Variants in PTGER3 observed in about 807,000 individuals in gnomAD.
PTGER3 encodes the protein prostaglandin E2 receptor EP3 subtype.
In PTGER3, 22 loss-of-function variants were observed where a neutral mutation model predicts 34.7. That is an observed-to-expected ratio of 0.63 (90% CI 0.45 to 0.91). PTGER3 has a LOEUF of 0.91. Among genes scored for constraint, PTGER3 ranks in the 40% least tolerant of loss-of-function variants. The pLI is 0.00. For synonymous variants in PTGER3, 241 were observed against 230.1 expected, an observed-to-expected ratio of 1.05 and a Z score of -0.43; for missense variants, 468 against 519.4, an observed-to-expected ratio of 0.90 and a Z score of 0.96.
chr1:70,923,209 G>GTT lies in PTGER3; in HGVS notation c.*23+30552_*23+30553dup, dbSNP rs34738930. Among the ~76,000 whole-genome samples, 579 of 148,784 alleles carry GTT rather than the reference G, an allele frequency of 3.9e-3. 6 individuals carry two copies. Among genetic ancestry groups the GTT allele is most frequent in the East Asian group, 0.034 (173 of 5,096 alleles). On this transcript the variant is annotated intron_variant, in intron 4 of 4. Transcript: ENST00000370931. ...ATTGCCAAATACAAAATGGTGCTTG[G>GTT]TTTTTTTTTTTGGCTCTATTTGTAT...
chr1:70,940,671 A>G (rs1649672333), intron 4 of PTGER3, among the ~76,000 whole-genome samples: 1 of 152,134 alleles, frequency 6.6e-6, no homozygotes, highest in South Asian at 2.1e-4. Flanking sequence ...AGACTTTTTT[A>G]CCATCATGAG....
At chr1:71,020,708 G>C (rs1658333512) in intron 1 of PTGER3, among the ~76,000 whole-genome samples, 1 of 151,416 alleles carries the variant, frequency 6.6e-6, no homozygotes, top group Non-Finnish European at 1.5e-5. Context: ...GTGTGTGTGT[G>C]TGTGTGTGTG....
chr1:70,954,940 A>G (rs1331040230), intron 2 of PTGER3, among the ~76,000 whole-genome samples: 1 of 152,194 alleles, frequency 6.6e-6, no homozygotes. Context: ...CCACAGTTTC[A>G]GAGAATTTTA....
chr1:70,973,210 A>T (rs897959040), intron 3 of PTGER3, among the ~76,000 whole-genome samples: 2 of 131,576 alleles, frequency 1.5e-5, no homozygotes, highest in East Asian at 4.7e-4. Flanking sequence ...GATGATAGAT[A>T]GATAGATAGA....
chr1:70,922,440 A>G (rs1457760312), intron 4 of PTGER3, among the ~76,000 whole-genome samples: 2 of 152,202 alleles, frequency 1.3e-5, no homozygotes, highest in Non-Finnish European at 1.5e-5. Context: ...AATGCTTCAT[A>G]AAATGCCACT....
intron 2 of PTGER3, among the ~76,000 whole-genome samples, chr1:70,992,859 G>A (rs1282146325): frequency 1.3e-5 from 2 of 152,144 alleles, no homozygotes; most frequent in East Asian, 1.9e-4. Context: ...TACCATCTTC[G>A]AAGCATTTGA....
intron 4 of PTGER3, among the ~76,000 whole-genome samples, chr1:70,945,836 A>T (rs1437903969): frequency 1.3e-5 from 2 of 152,126 alleles, no homozygotes; most frequent in Non-Finnish European, 2.9e-5. Flanking sequence ...AGGGTTCTTC[A>T]TACTCTAACC....
intron 4 of PTGER3, among the ~76,000 whole-genome samples, chr1:70,860,945 A>T (rs562867399): frequency 1.3e-5 from 2 of 152,222 alleles, no homozygotes; most frequent in Non-Finnish European, 2.9e-5. Flanking sequence ...GAACAGAGAC[A>T]ATTCTACAAA....
chr1:70,936,304 C>CTCAT (rs1649223990), intron 4 of PTGER3, among the ~76,000 whole-genome samples: 1 of 152,162 alleles, frequency 6.6e-6, no homozygotes, highest in African/African-American at 2.4e-5. Context: ...GTAGAAAGTG[C>CTCAT]ACTTTCCAGG....
chr1:70,867,380 C>A (rs1646065131), intron 4 of PTGER3, among the ~76,000 whole-genome samples: 1 of 152,090 alleles, frequency 6.6e-6, no homozygotes, highest in African/African-American at 2.4e-5. Flanking sequence ...ACTTTGAGGG[C>A]AAATATTAAA....
At chr1:70,990,413 A>T (rs1655353957) in intron 2 of PTGER3, among the ~76,000 whole-genome samples, 1 of 146,736 alleles carries the variant, frequency 6.8e-6, no homozygotes, top group Non-Finnish European at 1.5e-5. Flanking sequence ...AATACATATT[A>T]TATCTATTAT....
chr1:70,894,144 C>T (rs1646675315), intron 4 of PTGER3, among the ~76,000 whole-genome samples: 1 of 151,768 alleles, frequency 6.6e-6, no homozygotes, highest in Non-Finnish European at 1.5e-5. Flanking sequence ...TACATCTCTA[C>T]TAAAAATACA....
chr1:71,040,925 T>C (rs576937436), intron 1 of PTGER3, among the ~76,000 whole-genome samples: 1 of 152,154 alleles, frequency 6.6e-6, no homozygotes, highest in African/African-American at 2.4e-5. Context: ...TTGGCAGATA[T>C]TGCTGAATGG....
chr1:70,887,634 A>G (rs1351937773), intron 4 of PTGER3, among the ~76,000 whole-genome samples: 1 of 151,862 alleles, frequency 6.6e-6, no homozygotes, highest in East Asian at 1.9e-4. Context: ...ATTTTTCAAC[A>G]AAGTCTCTAA....
chr1:70,992,239 G>A (rs1212733006), intron 2 of PTGER3, among the ~76,000 whole-genome samples: 1 of 152,210 alleles, frequency 6.6e-6, no homozygotes, highest in Non-Finnish European at 1.5e-5. Context: ...GCTGAAGTTA[G>A]TCTGGGAGTC....
At chr1:70,859,536 T>G (rs2100466584) in intron 4 of PTGER3, among the ~76,000 whole-genome samples, 1 of 152,386 alleles carries the variant, frequency 6.6e-6, no homozygotes, top group African/African-American at 2.4e-5. Context: ...TAGTTGGCAC[T>G]GTAATTTTAT....
intron 4 of PTGER3, among the ~76,000 whole-genome samples, chr1:70,941,425 T>G (rs1026113272): frequency 6.6e-6 from 1 of 152,226 alleles, no homozygotes; most frequent in Non-Finnish European, 1.5e-5. Context: ...ATTACTATAG[T>G]TGACCTCATC....
intron 4 of PTGER3, among the ~76,000 whole-genome samples, chr1:70,914,245 C>T (rs1173891420): frequency 6.6e-6 from 1 of 151,676 alleles, no homozygotes; most frequent in Non-Finnish European, 1.5e-5. Flanking sequence ...GTTGAATATT[C>T]GGAGTTAATG....
intron 4 of PTGER3, among the ~76,000 whole-genome samples, chr1:70,860,145 C>A (rs1474113536): frequency 6.6e-6 from 1 of 151,778 alleles, no homozygotes; most frequent in Non-Finnish European, 1.5e-5. Context: ...GTGATTGTCC[C>A]AAACTGACAA....
Sources: allele counts gnomAD v4.1 joint callset (sites outside exome capture counted in the v4.1 genomes callset), GRCh38; gene constraint gnomAD v4.1.1; transcripts MANE v1.5; gene names NCBI Gene and HGNC (gene_info 2026-07-23, HGNC 2026-07-21).